Variants in ITPR2 observed in about 807,000 individuals in gnomAD.
ITPR2 encodes the protein inositol 1,4,5-trisphosphate receptor type 2.
A neutral mutation model predicts 317.1 loss-of-function variants in ITPR2; 207 were observed. The ratio of observed to expected loss-of-function variants is 0.65; its 90% CI spans 0.58 to 0.73. ITPR2 has a LOEUF of 0.73. Ranked by LOEUF, ITPR2 falls within the 30% of genes least tolerant of loss-of-function variation. The pLI, the probability that ITPR2 is intolerant of heterozygous loss-of-function variation, is 0.00. For synonymous variants in ITPR2, 1,156 were observed against 1,149.1 expected, an observed-to-expected ratio of 1.01 and a Z score of -0.12; for missense variants, 2,613 against 3,284.0, an observed-to-expected ratio of 0.80 and a Z score of 4.99.
chr12:26,477,028 A>C (rs1325031347), intron 43 of ITPR2, 21 bp from the exon 44 acceptor site: 2 of 1,457,452 alleles, frequency 1.4e-6, no homozygotes, highest in East Asian at 4.6e-5. Flanking sequence ...AGATTGAGTT[A>C]ATGTGCATGC....
At chr12:26,593,729 A>AT (rs10633886) in intron 32 of ITPR2, among the ~76,000 whole-genome samples, 35,830 of 85,558 alleles carry the variant, frequency 0.42, 5,495 homozygotes, top group East Asian at 0.84. Context: ...AATCATTGCT[A>AT]TTTTTTTGTT....
chr12:26,696,990 T>C (rs565386451), intron 9 of ITPR2, among the ~76,000 whole-genome samples: 1 of 152,196 alleles, frequency 6.6e-6, no homozygotes, highest in East Asian at 1.9e-4. Context: ...CTGAGAAGCA[T>C]GGTGTGAAGA....
intron 1 of ITPR2, among the ~76,000 whole-genome samples, chr12:26,825,056 AC>A (rs1950989830): frequency 6.6e-6 from 1 of 152,122 alleles, no homozygotes; most frequent in Non-Finnish European, 1.5e-5. Flanking sequence ...ACATGGCAAC[AC>A]CCTATCTCTA....
At chr12:26,687,023 T>C (rs1948139971) in intron 10 of ITPR2, among the ~76,000 whole-genome samples, 1 of 152,194 alleles carries the variant, frequency 6.6e-6, no homozygotes, top group East Asian at 1.9e-4. Flanking sequence ...AGCATGGCAG[T>C]GTGCAGGAGT....
At chr12:26,493,994 T>C (rs1942871592) in intron 39 of ITPR2, 159 bp downstream of exon 39, 1 of 554,396 alleles carries the variant, frequency 1.8e-6, no homozygotes, top group East Asian at 3.1e-5. Context: ...CTGTAGTTTC[T>C]ACAGCAAACA....
At chr12:26,456,664 C>T (rs187677994) in intron 45 of ITPR2, among the ~76,000 whole-genome samples, 276 of 152,150 alleles carry the variant, frequency 1.8e-3, no homozygotes, top group African/African-American at 6.4e-3. Flanking sequence ...ATCAGGACCC[C>T]TTTCTAGTAA....
intron 2 of ITPR2, among the ~76,000 whole-genome samples, chr12:26,771,200 A>ACAT (rs1330647706): frequency 2.6e-5 from 4 of 152,224 alleles, no homozygotes; most frequent in African/African-American, 9.7e-5. Flanking sequence ...AGACTTGGAC[A>ACAT]TGTAGTTTGC....
Position 26,711,178 on chromosome 12 carries a change from C to T in ITPR2, c.946G>A (p.Ala316Thr). 6.2e-7 allele frequency: 1 copy of T among 1,608,604 alleles called. No homozygotes were observed. The highest frequency in any genetic ancestry group is 8.5e-7 in the Non-Finnish European group (1 of 1,175,086). ...KHLATGNYLA[A>T]ELNPDYRDAQ... Reference sequence around the variant, plus strand: ...ACTTTATCCATTAGTCTTACCTCTGCAGCTAAATAGTTTCCAGTTGCAAGA... The same window carrying T: ...ACTTTATCCATTAGTCTTACCTCTGTAGCTAAATAGTTTCCAGTTGCAAGA... The change falls in exon 9 of 57, where the codon GCA (alanine) becomes ACA (threonine). Residue 316 changes from alanine (A) to threonine (T), a missense_variant. This residue lies in a region of ITPR2 where 515 missense variants were observed against 789.4 expected (regional missense o/e 0.65). Transcript: ENST00000381340.
intron 15 of ITPR2, 35 bp from the exon 16 acceptor site, chr12:26,659,320 A>T: frequency 1.9e-6 from 3 of 1,570,636 alleles, no homozygotes; most frequent in Non-Finnish European, 2.6e-6. Context: ...ATGCACTGCC[A>T]AACAGCTTAC....
chr12:26,577,056 T>C (rs1473576179), intron 34 of ITPR2, among the ~76,000 whole-genome samples: 3 of 152,208 alleles, frequency 2.0e-5, no homozygotes, highest in South Asian at 2.1e-4. Context: ...TGCAGCAAGA[T>C]GGCCCTCACC....
intron 2 of ITPR2, among the ~76,000 whole-genome samples, chr12:26,727,245 T>C (rs1287743146): frequency 2.6e-5 from 4 of 152,176 alleles, no homozygotes; most frequent in African/African-American, 4.8e-5. Context: ...ACAAGTTGTT[T>C]ACAGATATTT....
rs190496936 is a variant in ITPR2 at position 26,718,378 on chromosome 12, C to T, written c.526-2136G>A. On this transcript the variant is annotated intron_variant, in intron 5 of 56. Transcript: ENST00000381340. ...ATATAATGACATATTTTAACTATGTCCTTCCAATTCAAGAATACTTTTGGT... is the reference window on the plus strand; with the variant it reads ...ATATAATGACATATTTTAACTATGTTCTTCCAATTCAAGAATACTTTTGGT... Among the ~76,000 whole-genome samples, 1,108 of 152,146 alleles carry T rather than the reference C, an allele frequency of 7.3e-3. 11 individuals are homozygous for T. The highest frequency in any genetic ancestry group is 0.021 in the African/African-American group (886 of 41,494).
intron 54 of ITPR2, among the ~76,000 whole-genome samples, chr12:26,388,024 T>C (rs1388170847): frequency 6.6e-6 from 1 of 152,078 alleles, no homozygotes; most frequent in Non-Finnish European, 1.5e-5. Context: ...AGGGAAAGAA[T>C]TGAGACAGTC....
At chr12:26,559,609 G>A (rs1439269954) in intron 35 of ITPR2, among the ~76,000 whole-genome samples, 2 of 152,100 alleles carry the variant, frequency 1.3e-5, no homozygotes, top group Non-Finnish European at 2.9e-5. Flanking sequence ...TGAATTTGGG[G>A]TGGGGGAGGA....
intron 9 of ITPR2, among the ~76,000 whole-genome samples, chr12:26,704,141 T>C (rs1188049686): frequency 1.3e-5 from 2 of 152,180 alleles, no homozygotes; most frequent in Non-Finnish European, 2.9e-5. Flanking sequence ...TGCTACACAA[T>C]AGCGTGAGTT....
intron 37 of ITPR2, among the ~76,000 whole-genome samples, chr12:26,514,266 C>T (rs1318020345): frequency 6.6e-6 from 1 of 152,140 alleles, no homozygotes; most frequent in Non-Finnish European, 1.5e-5. Flanking sequence ...AAGGATAGCA[C>T]TGGCTGGGAT....
At chr12:26,591,405 A>C (rs762567069) in intron 32 of ITPR2, among the ~76,000 whole-genome samples, 4 of 152,244 alleles carry the variant, frequency 2.6e-5, no homozygotes, top group African/African-American at 4.8e-5. Context: ...CCCCAGTTAA[A>C]GTGGCTTTTA....
chr12:26,343,543 T>A (rs551645215), intron 55 of ITPR2, among the ~76,000 whole-genome samples: 1 of 152,170 alleles, frequency 6.6e-6, no homozygotes, highest in Non-Finnish European at 1.5e-5. Context: ...GTAAGTTTTG[T>A]GTTATATATA....
chr12:26,787,280 T>C (rs113768664), intron 2 of ITPR2, among the ~76,000 whole-genome samples: 2,351 of 152,314 alleles, frequency 0.015, 62 homozygotes, highest in African/African-American at 0.054. Context: ...TTTCCAGTGA[T>C]GATTGTAGTA....
Sources: gnomAD v4.1 joint callset for allele counts (sites outside exome capture counted in the v4.1 genomes callset) on GRCh38, gnomAD v4.1.1 for gene constraint, gnomAD v4.1.1 regional missense constraint, MANE v1.5 for transcripts, NCBI Gene and HGNC (gene_info 2026-07-23, HGNC 2026-07-21) for gene names.